The following ADAT1 variants were observed in gnomAD, a reference collection of about 807,000 sequenced individuals.
ADAT1 encodes tRNA-specific adenosine deaminase 1.
Under a neutral mutation model 58.6 loss-of-function variants are expected in ADAT1, and 58 were observed. The observed-to-expected ratio is 0.99, with a 90% CI of 0.80 to 1.23. ADAT1 has a LOEUF of 1.23. Among genes scored for constraint, ADAT1 ranks in the 50% most tolerant of loss-of-function variants. The pLI is 0.00. For missense variants in ADAT1, 741 were observed against 608.6 expected, an observed-to-expected ratio of 1.22 and a Z score of -2.29; for synonymous variants, 254 against 220.8, an observed-to-expected ratio of 1.15 and a Z score of -1.33.
chr16:75,601,542 AGGTC>A (rs1172800548), intron 9 of ADAT1, among the ~76,000 whole-genome samples: 4 of 151,848 alleles, frequency 2.6e-5, no homozygotes, highest in African/African-American at 9.7e-5. Context: ...GGATCGCCCG[AGGTC>A]AGTAGTTCAA....
chr16:75,604,474 T>TACACACACACACACACAC (rs373687206), intron 8 of ADAT1, among the ~76,000 whole-genome samples: 5 of 54,020 alleles, frequency 9.3e-5, no homozygotes, highest in Non-Finnish European at 1.4e-4. Flanking sequence ...TATATATATA[T>TACACACACACACACACAC]ACACACACAC....
At chr16:75,618,695 G>C in intron 3 of ADAT1, 55 bp from the exon 4 acceptor site, 1 of 1,599,722 alleles carries the variant, frequency 6.3e-7, no homozygotes, top group Non-Finnish European at 8.5e-7. Context: ...AGAGGGTCTG[G>C]TTCCTAGAAG....
chr16:75,617,256 G>A lies in ADAT1; in HGVS notation c.310C>T (p.Leu104Phe), dbSNP rs1436996438. The A allele has an allele frequency of 1.2e-5, 20 of 1,613,414 alleles. No homozygotes were observed. The Admixed American group carries it at 3.3e-4, about 27-fold the overall frequency. The change falls in exon 5 of 10, where the codon CTC becomes TTC. Residue 104 changes from leucine to phenylalanine, a missense_variant. Leu to Phe is a conservative substitution (Grantham distance 22). Coordinates refer to ENST00000564657, the MANE Select transcript of ADAT1 (RefSeq NM_001324445.2). ...TCTTTCAGGGTGGCTGCCAACTGGAGTTGGTGGAGAAGGTACCTAAGGGTT... is the reference window on the plus strand; with the variant it reads ...TCTTTCAGGGTGGCTGCCAACTGGAATTGGTGGAGAAGGTACCTAAGGGTT... The part of the protein sequence containing the change: ...RSFQRYLLHQ[L>F]QLAATLKEDS...
Position 75,597,843 on chromosome 16 carries a change from G to T in ADAT1, c.*2373C>A, listed in dbSNP as rs1289913425. 6.6e-6 allele frequency among the ~76,000 whole-genome samples: 1 copy of T among 152,158 alleles called. No individual in the cohort carries two copies. ...GCCACTGCTGGTATGACAGGAGGAG[G>T]AGCTACGGCAGAAATGTGAGCGATG... On this transcript the variant is annotated 3_prime_UTR_variant, in exon 10 of 10. Transcript: ENST00000564657.
chr16:75,622,981 G>A lies in ADAT1; in HGVS notation c.-600C>T, dbSNP rs2081977412. On this transcript the variant is annotated 5_prime_UTR_variant, in exon 1 of 10. Coordinates refer to ENST00000564657, the MANE Select transcript of ADAT1 (RefSeq NM_001324445.2). ...TTACAGGATAGGAGGTGCCAGGCAA[G>A]GCACTGAAGCCATGCAGTGAGAACA... 1 of 152,288 alleles carries A rather than the reference G, an allele frequency of 6.6e-6. No individual in the cohort carries two copies. Among genetic ancestry groups the A allele is most frequent in the African/African-American group, 2.4e-5 (1 of 41,472 alleles). 9.4% of individuals were successfully genotyped at this position (152,288 alleles called of 1,614,324 possible).
chr16:75,602,521 G>A (rs183134875), intron 9 of ADAT1, among the ~76,000 whole-genome samples: 49 of 152,320 alleles, frequency 3.2e-4, no homozygotes, highest in Admixed American at 4.6e-4. Context: ...TTGGTCAGAA[G>A]TATGGGTGGT....
chr16:75,604,456 AAT>A (rs769971149), intron 8 of ADAT1, among the ~76,000 whole-genome samples: 32 of 48,776 alleles, frequency 6.6e-4, no homozygotes, highest in Admixed American at 7.0e-4. Context: ...AAAAAAAAAA[AAT>A]ATATATATAT....
At chr16:75,605,761 T>A (rs559402199) in intron 8 of ADAT1, among the ~76,000 whole-genome samples, 5 of 150,860 alleles carry the variant, frequency 3.3e-5, no homozygotes, top group Non-Finnish European at 7.4e-5. Context: ...CATGGCAAAA[T>A]CCCGTCTCTA....
Position 75,617,288 on chromosome 16 carries a change from TG to T in ADAT1, c.294-17del. 1.2e-6 allele frequency: 2 copies of T among 1,608,986 alleles called. No homozygotes were observed. The highest frequency in any genetic ancestry group is 1.7e-6 in the Non-Finnish European group (2 of 1,175,890). On this transcript the variant is annotated splice_polypyrimidine_tract_variant and intron_variant, in intron 4 of 9. Transcript: ENST00000564657. ...GAGAAGGTACCTAAGGGTTGCAAGA[TG>T]TTATTAGGATGAACAACCGATCTCT...
intron 8 of ADAT1, among the ~76,000 whole-genome samples, chr16:75,603,760 T>C (rs1265518070): frequency 6.6e-6 from 1 of 152,194 alleles, no homozygotes; most frequent in Admixed American, 6.5e-5. Context: ...TGCCTTCTTT[T>C]CCCTCATGTA....
chr16:75,608,097 G>A (rs1189344389), intron 8 of ADAT1, 127 bp downstream of exon 8: 5 of 720,690 alleles, frequency 6.9e-6, no homozygotes, highest in African/African-American at 1.8e-5. Flanking sequence ...TGAGGAGAGG[G>A]AGGGATAGGT....
intron 8 of ADAT1, among the ~76,000 whole-genome samples, chr16:75,604,432 CAAA>C (rs869079388): frequency 3.8e-4 from 3 of 7,940 alleles, no homozygotes; most frequent in East Asian, 0.023. Flanking sequence ...GATTCTGTCT[CAAA>C]AAAAAAAAAA....
chr16:75,604,236 C>A (rs1000760598), intron 8 of ADAT1, among the ~76,000 whole-genome samples: 2 of 151,284 alleles, frequency 1.3e-5, no homozygotes, highest in Non-Finnish European at 2.9e-5. Context: ...AGTTCGAGAC[C>A]AGCCTGGCTA....
chr16:75,599,225 G>C lies in ADAT1; in HGVS notation c.*991C>G, dbSNP rs1024901479. On this transcript the variant is annotated 3_prime_UTR_variant, in exon 10 of 10. Coordinates refer to ENST00000564657, the MANE Select transcript of ADAT1 (RefSeq NM_001324445.2). Reference sequence around the variant, plus strand: ...GCCTCCCGAGTAGCTAGGATTACAGGTGTGCGCCACCATGCCCGGCTAGTT... The same window carrying C: ...GCCTCCCGAGTAGCTAGGATTACAGCTGTGCGCCACCATGCCCGGCTAGTT... 3.6e-6 allele frequency: 3 copies of C among 832,932 alleles called. No homozygotes were observed. The highest frequency in any genetic ancestry group is 4.3e-6 in the Non-Finnish European group (3 of 691,630). 51.6% of individuals were successfully genotyped at this position (832,932 alleles called of 1,614,324 possible). A position where few individuals can be genotyped will look rare whatever the true frequency, so the allele number is the denominator to read the frequency against.
In ADAT1 at chr16:75,612,678, G is replaced by T. The variant is rs3743599; in HGVS notation, c.608C>A (p.Thr203Asn). ...VTKKMRLEPG[T>N]AAREVTNGAA... ...TCCGTTGGTGACCTCCCTGGCTGCA[G>T]TCCCAGGCTCAAGCCTCATCTTTTT... The change falls in exon 6 of 10, where the codon ACT becomes AAT. Residue 203 changes from threonine (T) to asparagine (N), a missense_variant. By Grantham distance (65) the Thr-to-Asn change is moderately conservative. Transcript: ENST00000564657. 152,745 of 1,613,950 alleles carry T rather than the reference G, an allele frequency of 0.095. 22,406 individuals carry two copies. The highest frequency in any genetic ancestry group is 0.71 in the East Asian group (31,997 of 44,836).
chr16:75,599,714 A>C lies in ADAT1; in HGVS notation c.*502T>G. 3 of 987,826 alleles carry C rather than the reference A, an allele frequency of 3.0e-6. No individual in the cohort carries two copies. Among genetic ancestry groups the C allele is most frequent in the Non-Finnish European group, 3.6e-6 (3 of 831,306 alleles). 61.2% of individuals were successfully genotyped at this position (987,826 alleles called of 1,614,324 possible). ...AGGCTATTCCTAGAGCCAGGGAGTAAGGTTAGCTTCAGCCAAGTCTGAGGC... is the reference window on the plus strand; with the variant it reads ...AGGCTATTCCTAGAGCCAGGGAGTACGGTTAGCTTCAGCCAAGTCTGAGGC... On this transcript the variant is annotated 3_prime_UTR_variant, in exon 10 of 10. Coordinates refer to ENST00000564657, the MANE Select transcript of ADAT1 (RefSeq NM_001324445.2).
chr16:75,620,279 T>G lies in ADAT1; in HGVS notation c.225A>C (p.Lys75Asn). ...GTGTKCIGQS[K>N]MRKNGDILND... is the part of the protein sequence containing the mutation. The stretch of plus-strand genomic sequence containing the variant: ...ACCCGTGCTTACCGTTCTTCCTCAT[T>G]TTGGACTGTCCTATGCATTTTGTTC... The change falls in exon 3 of 10, where the codon AAA becomes AAC. Residue 75 changes from lysine (K) to asparagine (N), a missense_variant. Coordinates refer to ENST00000564657, the MANE Select transcript of ADAT1 (RefSeq NM_001324445.2). 2 of 1,614,144 alleles carry G rather than the reference T, an allele frequency of 1.2e-6. No individual in the cohort carries two copies. The highest frequency in any genetic ancestry group is 1.7e-6 in the Non-Finnish European group (2 of 1,179,970).
intron 5 of ADAT1, among the ~76,000 whole-genome samples, chr16:75,615,453 C>T (rs2081671843): frequency 3.0e-5 from 2 of 65,970 alleles, no homozygotes; most frequent in African/African-American, 1.2e-4. Context: ...ACACAAAATA[C>T]ACGAACGCAA....
chr16:75,605,371 G>C (rs888222700), intron 8 of ADAT1, among the ~76,000 whole-genome samples: 3 of 152,108 alleles, frequency 2.0e-5, no homozygotes, highest in Non-Finnish European at 4.4e-5. Context: ...TTACAGACGT[G>C]AGCCACAGCA....
Sources: gnomAD v4.1 joint callset for allele counts (sites outside exome capture counted in the v4.1 genomes callset) on GRCh38, gnomAD v4.1.1 for gene constraint, MANE v1.5 for transcripts, NCBI Gene and HGNC (gene_info 2026-07-23, HGNC 2026-07-21) for gene names.